The following MAP1B variants were observed in gnomAD, a reference collection of about 807,000 sequenced individuals.
MAP1B encodes the protein microtubule-associated protein 1B.
MAP1B carries 12 observed loss-of-function variants against 176.1 expected under a neutral mutation model. The ratio of observed to expected loss-of-function variants is 0.07; its 90% CI spans 0.04 to 0.11. MAP1B has a LOEUF of 0.11. MAP1B is among the 10% of genes least tolerant of loss of function. The pLI, the probability that MAP1B is intolerant of heterozygous loss-of-function variation, is 1.00. For missense variants in MAP1B, 2,523 were observed against 2,990.5 expected (o/e 0.84, Z 3.65); for synonymous variants, 1,044 against 1,135.0 (o/e 0.92, Z 1.61).
chr5:72,179,842 A>G (rs972243513), intron 2 of MAP1B: 7 of 985,372 alleles, frequency 7.1e-6, no homozygotes, highest in African/African-American at 3.5e-5. Context: ...AAGATGGACA[A>G]AAGAGAACAT....
In MAP1B at chr5:72,115,720, C is replaced by T. The variant is rs778625147; in HGVS notation, c.207C>T (p.Asn69=). Reference sequence around the variant, plus strand: ...TAGGAATCCGATCATGGGACACAAACCTGATTGAATGCAACTTGGACCAAG... The same window carrying T: ...TAGGAATCCGATCATGGGACACAAATCTGATTGAATGCAACTTGGACCAAG... ...IELGIRSWDT[N]LIECNLDQEL... The change falls in exon 2 of 7, where the codon AAC becomes AAT. Residue 69 remains asparagine (N), a synonymous_variant. Coordinates refer to ENST00000296755, the MANE Select transcript of MAP1B (RefSeq NM_005909.5). 1.7e-5 allele frequency: 27 copies of T among 1,612,630 alleles called. No homozygotes were observed. Among genetic ancestry groups the T allele is most frequent in the Non-Finnish European group, 2.3e-5 (27 of 1,178,758 alleles).
chr5:72,194,294 G>C lies in MAP1B; in HGVS notation c.939G>C (p.Gly313=). 6.2e-7 allele frequency: 1 copy of C among 1,614,196 alleles called. No homozygotes were observed. ...RVDSILLTHI[G]DDNLPGINSM... ...ACTCCATCCTGCTCACCCACATTGG[G>C]GATGACAATTTGCCTGGAATAAACA... The change falls in exon 5 of 7, where the codon GGG becomes GGC. Residue 313 remains glycine, a synonymous_variant. Transcript: ENST00000296755. The surrounding 1 kb of genome is among the most constrained non-coding windows in gnomAD (Gnocchi z 7.2).
In MAP1B at chr5:72,198,203, G is replaced by T; in HGVS notation, c.4848G>T (p.Pro1616=). ...MSPSKEECPR[P]MSISPPDFSP... is the part of the protein sequence containing the mutation. ...CATCTAAAGAAGAATGCCCAAGACC[G>T]ATGTCAATTTCTCCACCAGATTTCT... Residue 1616 remains proline, a synonymous_variant, in exon 5 of 7, where the codon CCG becomes CCT. Coordinates refer to ENST00000296755, the MANE Select transcript of MAP1B (RefSeq NM_005909.5). 6.2e-7 allele frequency: 1 copy of T among 1,614,174 alleles called. No individual in the cohort carries two copies. Among genetic ancestry groups the T allele is most frequent in the Non-Finnish European group, 8.5e-7 (1 of 1,180,030 alleles).
At position 72,197,789 on chromosome 5, in the gene MAP1B, T is replaced by C. The variant is rs1324060917; in HGVS notation, c.4434T>C (p.Thr1478=). The change falls in exon 5 of 7, where the codon ACT becomes ACC. Residue 1478 remains threonine, a synonymous_variant. Coordinates refer to ENST00000296755, the MANE Select transcript of MAP1B (RefSeq NM_005909.5). ...AAGACTTTGGCCAAGAAAAGAAAAC[T>C]GATGATGTTGAAGCCATGAGTTCTC... is the stretch of plus-strand genomic sequence containing the variant. ...IKEDFGQEKK[T]DDVEAMSSQP... 1 of 1,614,174 alleles carries C rather than the reference T, an allele frequency of 6.2e-7. No individual in the cohort carries two copies. The highest frequency in any genetic ancestry group is 8.5e-7 in the Non-Finnish European group (1 of 1,180,030).
Position 72,197,685 on chromosome 5 carries a change from C to T in MAP1B, c.4330C>T (p.Pro1444Ser), listed in dbSNP as rs1002743386. 2 of 1,613,920 alleles carry T rather than the reference C, an allele frequency of 1.2e-6. No individual in the cohort carries two copies. Among genetic ancestry groups the T allele is most frequent in the Admixed American group, 1.7e-5 (1 of 59,960 alleles). The change falls in exon 5 of 7, where the codon CCA becomes TCA. Residue 1444 changes from proline (P) to serine (S), a missense_variant. Around this residue, in one of 4 missense-constraint regions of MAP1B, gnomAD observed 1,925 missense variants for 2,126.0 expected, o/e 0.91. Coordinates refer to ENST00000296755, the MANE Select transcript of MAP1B (RefSeq NM_005909.5). ...ACAAGGCTCTCCAGACCAAGTAAGT[C>T]CAGTTTCTGAAATGACTTCTACTAG... is the stretch of plus-strand genomic sequence containing the variant. ...GKQGSPDQVS[P>S]VSEMTSTSLY...
intron 4 of MAP1B, among the ~76,000 whole-genome samples, chr5:72,192,565 C>T (rs1747047103): frequency 6.6e-6 from 1 of 152,218 alleles, no homozygotes; most frequent in Admixed American, 6.5e-5. Context: ...TTCTTACACA[C>T]ATTCATAATA....
At chr5:72,178,767 T>C (rs1746705175) in intron 2 of MAP1B, among the ~76,000 whole-genome samples, 1 of 151,530 alleles carries the variant, frequency 6.6e-6, no homozygotes, top group African/African-American at 2.4e-5. Flanking sequence ...TGTGTGTGTG[T>C]GTGTAGATGA....
At chr5:72,111,691 C>T (rs1745345052) in intron 1 of MAP1B, among the ~76,000 whole-genome samples, 1 of 152,170 alleles carries the variant, frequency 6.6e-6, no homozygotes, top group Non-Finnish European at 1.5e-5. Context: ...TCTACGACAG[C>T]TCTGTGATCC....
chr5:72,200,098 C>T lies in MAP1B; in HGVS notation c.6743C>T (p.Pro2248Leu), dbSNP rs1398948277. ...AAAGAGAAGACCAAAACCAAAAAGC[C>T]AGGTACAAAGACCAAGTCATCTTCA... is the stretch of plus-strand genomic sequence containing the variant. ...DLKEKTKTKK[P>L]GTKTKSSSPV... The change falls in exon 5 of 7, where the codon CCA (proline) becomes CTA (leucine). Residue 2248 changes from proline to leucine, a missense_variant. Physicochemically the swap from Pro to Leu is moderately conservative, Grantham distance 98. Transcript: ENST00000296755. The T allele has an allele frequency of 1.9e-6, 3 of 1,614,184 alleles. No individual in the cohort carries two copies. The highest frequency in any genetic ancestry group is 1.7e-6 in the Non-Finnish European group (2 of 1,180,044).
At chr5:72,185,282 A>G (rs1746870436) in intron 3 of MAP1B, among the ~76,000 whole-genome samples, 1 of 152,232 alleles carries the variant, frequency 6.6e-6, no homozygotes, top group Non-Finnish European at 1.5e-5. Flanking sequence ...GCTTTAGATC[A>G]GCAGGACCTC....
chr5:72,115,481 C>T (rs1745415506), intron 1 of MAP1B, among the ~76,000 whole-genome samples: 1 of 152,198 alleles, frequency 6.6e-6, no homozygotes, highest in South Asian at 2.1e-4. Flanking sequence ...GGCAGAAGCT[C>T]AGTCCACACT....
intron 2 of MAP1B, among the ~76,000 whole-genome samples, chr5:72,182,626 A>C (rs1746795318): frequency 6.6e-6 from 1 of 152,108 alleles, no homozygotes; most frequent in South Asian, 2.1e-4. Flanking sequence ...TAGCTTTTTG[A>C]AGAACTGGCC....
chr5:72,152,906 T>A (rs1746168457), intron 2 of MAP1B, among the ~76,000 whole-genome samples: 1 of 152,024 alleles, frequency 6.6e-6, no homozygotes, highest in Non-Finnish European at 1.5e-5. Flanking sequence ...GCCTGCTGGG[T>A]CTGCTGGGCC....
rs989016409 is a variant in MAP1B, at chr5:72,115,819, T to C, written c.286+20T>C. ...TCCCAGGTGAGGCTTCCGCTCAGTG[T>C]TGGTCAGCCTAGAATTCCAAAGGAC... On this transcript the variant is annotated intron_variant, in intron 2 of 6. Transcript: ENST00000296755. 3.9e-6 allele frequency: 6 copies of C among 1,553,108 alleles called. No individual in the cohort carries two copies. The African/African-American group carries it at 4.1e-5, about 11-fold the overall frequency.
chr5:72,176,331 T>G (rs539513358), intron 2 of MAP1B, among the ~76,000 whole-genome samples: 48 of 152,270 alleles, frequency 3.2e-4, no homozygotes, highest in African/African-American at 1.1e-3. Flanking sequence ...AATCTTTATT[T>G]TGGATGGGAG....
At chr5:72,175,047 C>T (rs1276741585) in intron 2 of MAP1B, among the ~76,000 whole-genome samples, 1 of 141,214 alleles carries the variant, frequency 7.1e-6, no homozygotes, top group Non-Finnish European at 1.6e-5. Context: ...TTCCCTCCCT[C>T]CCTCCTTCCT....
chr5:72,127,513 C>T (rs1051545776), intron 2 of MAP1B, among the ~76,000 whole-genome samples: 5 of 152,024 alleles, frequency 3.3e-5, no homozygotes, highest in African/African-American at 4.8e-5. Context: ...AAAACCTAGG[C>T]GTCTGATGGG....
intron 1 of MAP1B, among the ~76,000 whole-genome samples, 193 bp downstream of exon 1, chr5:72,107,908 G>A (rs574423355): frequency 6.6e-6 from 1 of 152,208 alleles, no homozygotes; most frequent in South Asian, 2.1e-4. Flanking sequence ...AGACCCAGAG[G>A]GAGAGTCTCC....
At chr5:72,181,798 T>C (rs990398972) in intron 2 of MAP1B, among the ~76,000 whole-genome samples, 10 of 151,232 alleles carry the variant, frequency 6.6e-5, no homozygotes, top group Non-Finnish European at 1.5e-4. Flanking sequence ...CTCGGCTCAC[T>C]GCAACCTCTG....
Sources: gnomAD v4.1 joint callset for allele counts (sites outside exome capture counted in the v4.1 genomes callset) on GRCh38, gnomAD v4.1.1 for gene constraint, gnomAD v4.1.1 regional missense constraint, Gnocchi (gnomAD v3.1) non-coding constraint, MANE v1.5 for transcripts, NCBI Gene and HGNC (gene_info 2026-07-23, HGNC 2026-07-21) for gene names.